Variants in NAMPT observed in about 807,000 individuals in gnomAD.
NAMPT encodes the protein nicotinamide phosphoribosyltransferase.
In NAMPT, 7 loss-of-function variants were observed where a neutral mutation model predicts 58.7. The observed-to-expected ratio is 0.12, with a 90% CI of 0.07 to 0.22. The LOEUF is 0.22. Among genes scored for constraint, NAMPT ranks in the 10% least tolerant of loss-of-function variants. The pLI is 1.00. For synonymous variants in NAMPT, 145 were observed against 198.1 expected (o/e 0.73, Z 2.25); for missense variants, 271 against 567.9 (o/e 0.48, Z 5.31).
Position 106,284,911 on chromosome 7 carries a change from G to C in NAMPT, c.-27C>G. ...TCGGGCCGGAGGACAGGGGCCGCGCGCCGCGAGCTCCCTGGCGCGGCTGCG... is the reference window on the plus strand; with the variant it reads ...TCGGGCCGGAGGACAGGGGCCGCGCCCCGCGAGCTCCCTGGCGCGGCTGCG... On this transcript the variant is annotated 5_prime_UTR_variant, in exon 1 of 11. Coordinates refer to ENST00000222553, the MANE Select transcript of NAMPT (RefSeq NM_005746.3). 3 of 1,573,348 alleles carry C rather than the reference G, an allele frequency of 1.9e-6. No individual in the cohort carries two copies. The highest frequency in any genetic ancestry group is 1.2e-5 in the South Asian group (1 of 86,090).
intron 4 of NAMPT, chr7:106,270,426 C>A: frequency 4.5e-6 from 1 of 224,400 alleles, no homozygotes; most frequent in Non-Finnish European, 1.0e-5. Context: ...AAAAGATTAA[C>A]CTTGAACTTG....
chr7:106,284,675 G>C, intron 1 of NAMPT, 153 bp downstream of exon 1: 1 of 939,772 alleles, frequency 1.1e-6, no homozygotes, highest in Non-Finnish European at 1.3e-6. Context: ...TGCCCCAGCC[G>C]CCGCCGCCCG....
At chr7:106,271,493 G>T (rs1249822178) in intron 4 of NAMPT, among the ~76,000 whole-genome samples, 1 of 152,046 alleles carries the variant, frequency 6.6e-6, no homozygotes. Context: ...AGCATTTTTT[G>T]GGTACATAGC....
chr7:106,270,925 A>G (rs1404236981), intron 4 of NAMPT, among the ~76,000 whole-genome samples: 1 of 152,228 alleles, frequency 6.6e-6, no homozygotes. Context: ...ATAGAAAATC[A>G]GTACAATTCT....
At chr7:106,254,636 G>T in intron 8 of NAMPT, 132 bp from the exon 9 acceptor site, 3 of 1,041,574 alleles carry the variant, frequency 2.9e-6, no homozygotes, top group Non-Finnish European at 4.1e-6. Context: ...AATAATTATA[G>T]CCCGCATTTT....
At chr7:106,285,080 C>T (rs1417912571), upstream of NAMPT, 5 of 1,350,860 alleles carry the variant, frequency 3.7e-6, no homozygotes, top group Admixed American at 2.9e-5. Context: ...CGGGTGACGG[C>T]TGCGGCGGCT....
At chr7:106,268,722 A>C in intron 5 of NAMPT, 122 bp from the exon 6 acceptor site, 2 of 709,852 alleles carry the variant, frequency 2.8e-6, no homozygotes, top group South Asian at 3.5e-5. Flanking sequence ...TCTTTCTCTT[A>C]GGAAAGTATT....
Position 106,250,296 on chromosome 7 carries a change from T to G in NAMPT, c.*787A>C, listed in dbSNP as rs995592537. Reference sequence around the variant, plus strand: ...TAAAAACATTATCTCCTTAAAATCTTGAGGTGCATATTAGAGCCACAGGCA... The same window carrying G: ...TAAAAACATTATCTCCTTAAAATCTGGAGGTGCATATTAGAGCCACAGGCA... On this transcript the variant is annotated 3_prime_UTR_variant, in exon 11 of 11. Coordinates refer to ENST00000222553, the MANE Select transcript of NAMPT (RefSeq NM_005746.3). 6.6e-6 allele frequency: 1 copy of G among 152,342 alleles called. No individual in the cohort carries two copies. Among genetic ancestry groups the G allele is most frequent in the African/African-American group, 2.4e-5 (1 of 41,388 alleles). The allele number at this position is 152,342 out of a possible 1,614,324, so 9.4% of individuals were successfully genotyped here. A position where few individuals can be genotyped will look rare whatever the true frequency, so the allele number is the denominator to read the frequency against.
intron 1 of NAMPT, 98 bp downstream of exon 1, chr7:106,284,730 C>CA: frequency 1.3e-5 from 10 of 781,046 alleles, no homozygotes; most frequent in Non-Finnish European, 1.5e-5. Flanking sequence ...GCCCCAGCCC[C>CA]AGCCCCAACC....
At chr7:106,253,229 C>T in intron 9 of NAMPT, 78 bp from the exon 10 acceptor site, 1 of 1,476,290 alleles carries the variant, frequency 6.8e-7, no homozygotes, top group South Asian at 1.3e-5. Context: ...TACAAAAAAG[C>T]ACATACATAA....
chr7:106,280,171 G>C (rs1006411129), intron 1 of NAMPT, among the ~76,000 whole-genome samples: 1 of 152,150 alleles, frequency 6.6e-6, no homozygotes, highest in African/African-American at 2.4e-5. Flanking sequence ...AAGAGTGCAG[G>C]AGTTAGGGGC....
At position 106,279,264 on chromosome 7, in the gene NAMPT, A is replaced by G. The variant is rs569260505; in HGVS notation, c.58-2085T>C. ...TTAGAAACGAAGTATGAACTCTAAA[A>G]ATCTTTGGAGAACCTTAAGAGTATC... On this transcript the variant is annotated intron_variant, in intron 1 of 10. Coordinates refer to ENST00000222553, the MANE Select transcript of NAMPT (RefSeq NM_005746.3). 1.4e-4 allele frequency among the ~76,000 whole-genome samples: 22 copies of G among 152,344 alleles called. No homozygotes were observed. In the East Asian group the frequency reaches 1.9e-3, roughly 13 times the overall value.
chr7:106,257,244 T>C (rs1792217819), intron 8 of NAMPT, among the ~76,000 whole-genome samples: 1 of 152,106 alleles, frequency 6.6e-6, no homozygotes, highest in African/African-American at 2.4e-5. Context: ...GTTTCACTAA[T>C]GCCAAAGAGT....
chr7:106,254,321 A>G (rs1792163505), intron 9 of NAMPT, 43 bp downstream of exon 9: 3 of 1,603,484 alleles, frequency 1.9e-6, no homozygotes, highest in South Asian at 2.2e-5. Flanking sequence ...ACCTAGATAC[A>G]TAAGGAAGGT....
chr7:106,278,995 C>T (rs1792703587), intron 1 of NAMPT, among the ~76,000 whole-genome samples: 2 of 152,106 alleles, frequency 1.3e-5, no homozygotes, highest in African/African-American at 4.8e-5. Flanking sequence ...TCTGAGAAGA[C>T]GAAGAGTCAA....
intron 6 of NAMPT, among the ~76,000 whole-genome samples, chr7:106,264,562 C>T (rs1264314240): frequency 1.3e-5 from 2 of 151,874 alleles, no homozygotes; most frequent in Non-Finnish European, 2.9e-5. Flanking sequence ...ATGAGCATTT[C>T]CTTTGAGCAA....
rs1172037273 is a variant in NAMPT, at chr7:106,270,704, G to A, written c.448-1392C>T. 2.0e-5 allele frequency among the ~76,000 whole-genome samples: 3 copies of A among 152,122 alleles called. No individual in the cohort carries two copies. The East Asian group carries it at 5.8e-4, about 29-fold the overall frequency. On this transcript the variant is annotated intron_variant, in intron 4 of 10. Coordinates refer to ENST00000222553, the MANE Select transcript of NAMPT (RefSeq NM_005746.3). ...ACCATGCTCTGAAGAAACCTCTTCT[G>A]GAGTGAGACCCGGTAGTCCCAGCTA...
At chr7:106,277,910 G>C (rs1562819143) in intron 1 of NAMPT, among the ~76,000 whole-genome samples, 1 of 152,168 alleles carries the variant, frequency 6.6e-6, no homozygotes, top group African/African-American at 2.4e-5. Context: ...AAAGTAAAAA[G>C]TGAGTGTTCA....
intron 4 of NAMPT, 70 bp from the exon 5 acceptor site, chr7:106,269,382 CTT>C (rs35479106): frequency 4.4e-3 from 4,993 of 1,130,022 alleles, no homozygotes; most frequent in Non-Finnish European, 4.7e-3. Flanking sequence ...AAAATCCTAG[CTT>C]TTTTTTTTTT....
Sources: gnomAD v4.1 joint callset for allele counts (sites outside exome capture counted in the v4.1 genomes callset) on GRCh38, gnomAD v4.1.1 for gene constraint, MANE v1.5 for transcripts, NCBI Gene and HGNC (gene_info 2026-07-23, HGNC 2026-07-21) for gene names.